The following FAM9B variants were observed in gnomAD, a reference collection of about 807,000 sequenced individuals.
FAM9B encodes the protein family with sequence similarity 9 member B.
FAM9B carries 18 observed loss-of-function variants against 16.6 expected under a neutral mutation model. That is an observed-to-expected ratio of 1.09 (90% confidence interval 0.75 to 1.61). FAM9B has a LOEUF of 1.61. Ranked by LOEUF, FAM9B falls within the 40% of genes most tolerant of loss-of-function variation. The probability of loss-of-function intolerance (pLI) is 0.00; values close to 1 mark genes in which losing one functional copy is unlikely to be tolerated. For synonymous variants in FAM9B, 43 were observed against 42.6 expected (o/e 1.01, Z -0.03); for missense variants, 155 against 136.0 (o/e 1.14, Z -0.70).
intron 5 of FAM9B, among the ~76,000 whole-genome samples, chrX:9,029,735 T>C (rs1482056488): frequency 2.7e-5 from 3 of 111,967 alleles, no homozygotes; most frequent in African/African-American, 9.7e-5. Context: ...GAATAACATA[T>C]GGGTTCTCAT....
At chrX:9,027,608 T>C (rs1184161387) in intron 7 of FAM9B, among the ~76,000 whole-genome samples, 2 of 111,860 alleles carry the variant, frequency 1.8e-5, no homozygotes, top group Non-Finnish European at 3.8e-5. Flanking sequence ...GTGTCAATTT[T>C]ATACATAAGA....
At chrX:9,032,539 G>T in intron 2 of FAM9B, 78 bp from the exon 3 acceptor site, 2 of 417,469 alleles carry the variant, frequency 4.8e-6, no homozygotes, top group Non-Finnish European at 7.3e-6. Context: ...AAATGTACTA[G>T]TTGTAGACTT....
rs376461367 is a variant in FAM9B at position 9,026,097 on chromosome X, G to A, written c.493-514C>T. On this transcript the variant is annotated intron_variant, in intron 7 of 8. Coordinates refer to ENST00000327220, the MANE Select transcript of FAM9B (RefSeq NM_205849.3). ...ACTCCCTAAAATGTTGTAGGTTAAT[G>A]CTGAGGAAGATGTAAAAAATGAATA... Among the ~76,000 whole-genome samples the A allele has an allele frequency of 6.3e-3, 699 of 111,495 alleles. 3 individuals are homozygous for A. Among genetic ancestry groups the A allele is most frequent in the Non-Finnish European group, 0.011 (584 of 53,116 alleles).
rs1362354017 is a variant in FAM9B, at chrX:9,029,396, A to T, written c.304T>A (p.Ser102Thr). 4 of 1,199,395 alleles carry T rather than the reference A, an allele frequency of 3.3e-6. No individual in the cohort carries two copies. Among genetic ancestry groups the T allele is most frequent in the Non-Finnish European group, 3.4e-6 (3 of 884,511 alleles). ...TCAAGGACATTTAGCAACTTCAGAG[A>T]ATGTATATAATCACGTTTCTGCCTG... ...LKRQKRDYIH[S>T]LKLLNVLEEY... Residue 102 changes from serine to threonine, a missense_variant, in exon 6 of 9, where the codon TCT becomes ACT. Transcript: ENST00000327220.
intron 1 of FAM9B, 124 bp downstream of exon 1, chrX:9,033,728 C>G (rs1304587333): frequency 1.3e-6 from 1 of 742,806 alleles, no homozygotes. Context: ...CGCCCTGACC[C>G]AGGCCCCAGG....
rs1837355927 is a variant in FAM9B at position 9,025,687 on chromosome X, G to A, written c.493-104C>T. ...AGGAAACAGCTTTTAATATTCAAAG[G>A]ATGCCAGTTATTCATTTCAAATAGA... On this transcript the variant is annotated intron_variant, in intron 7 of 8. Coordinates refer to ENST00000327220, the MANE Select transcript of FAM9B (RefSeq NM_205849.3). The A allele has an allele frequency of 1.0e-5, 6 of 579,110 alleles. No homozygotes were observed. In the South Asian group the frequency reaches 2.2e-4, roughly 21 times the overall value. 47.7% of individuals were successfully genotyped at this position (579,110 alleles called of 1,213,427 possible).
chrX:9,027,932 T>C lies in FAM9B; in HGVS notation c.428A>G (p.Gln143Arg), dbSNP rs1373573852. ...IFQEQQKKWQ[Q>R]YRSVRRERLK... The stretch of plus-strand genomic sequence containing the variant: ...CCTCTCTCTCCTAACACTTCTATAT[T>C]GTTGCCACTTCTTCTGTTGTTCTTG... The change falls in exon 7 of 9, where the codon CAA becomes CGA. Residue 143 changes from glutamine (Q) to arginine (R), a missense_variant. Gln to Arg is a conservative substitution (Grantham distance 43). Coordinates refer to ENST00000327220, the MANE Select transcript of FAM9B (RefSeq NM_205849.3). 3 of 1,209,737 alleles carry C rather than the reference T, an allele frequency of 2.5e-6. No homozygotes were observed. Among genetic ancestry groups the C allele is most frequent in the Non-Finnish European group, 3.4e-6 (3 of 894,005 alleles).
intron 4 of FAM9B, chrX:9,031,447 A>G (rs1348437536): frequency 3.6e-5 from 4 of 112,180 alleles, no homozygotes; most frequent in Non-Finnish European, 7.5e-5. Flanking sequence ...TATTACTGGA[A>G]TAATAATAGA....
chrX:9,027,384 T>G (rs1384375777), intron 7 of FAM9B, among the ~76,000 whole-genome samples: 5 of 111,802 alleles, frequency 4.5e-5, no homozygotes, highest in African/African-American at 1.6e-4. Context: ...TTTATGGACC[T>G]CTTGCCTTCC....
In FAM9B at chrX:9,032,900, C is replaced by G. The variant is rs188156078; in HGVS notation, c.28+59G>C. 101 of 1,190,928 alleles carry G rather than the reference C, an allele frequency of 8.5e-5. No individual in the cohort carries two copies. The African/African-American group carries it at 1.8e-3, about 21-fold the overall frequency. ...GCCCCTGTGCCCCCAGCGCAGAAAG[C>G]AGACAGACCGTCCTCTTGGGCGTGC... is the stretch of plus-strand genomic sequence containing the variant. On this transcript the variant is annotated intron_variant, in intron 2 of 8. Transcript: ENST00000327220.
At chrX:9,031,969 GA>G (rs747543337) in intron 4 of FAM9B, 160 bp downstream of exon 4, 1 of 438,991 alleles carries the variant, frequency 2.3e-6, no homozygotes, top group African/African-American at 2.5e-5. Flanking sequence ...AAAAAGGTAA[GA>G]AAAATTTATC....
chrX:9,026,392 G>A (rs1920966730), intron 7 of FAM9B, among the ~76,000 whole-genome samples: 1 of 111,275 alleles, frequency 9.0e-6, no homozygotes, highest in Non-Finnish European at 1.9e-5. Flanking sequence ...AAGACAGAAG[G>A]CGGCAAAACA....
In FAM9B at chrX:9,025,597, T is replaced by C; in HGVS notation, c.493-14A>G. 1.7e-6 allele frequency: 2 copies of C among 1,180,634 alleles called. No homozygotes were observed. The highest frequency in any genetic ancestry group is 2.3e-6 in the Non-Finnish European group (2 of 873,486). On this transcript the variant is annotated splice_polypyrimidine_tract_variant and intron_variant, in intron 7 of 8. Transcript: ENST00000327220. ...GTCCTCAAGAGCCTAAAAGAAAAAG[T>C]CTAGTTCACTGACAAACCACCACTT...
At position 9,024,573 on chromosome X, in the gene FAM9B, G is replaced by C; in HGVS notation, c.*836C>G. On this transcript the variant is annotated 3_prime_UTR_variant, in exon 9 of 9. Transcript: ENST00000327220. ...ACAGTAAGGTGCTTTTAATAATTTT[G>C]ATATGGCCATAGAGTATATCTATTT... 1 of 111,546 alleles carries C rather than the reference G, an allele frequency of 9.0e-6. No individual in the cohort carries two copies. The highest frequency in any genetic ancestry group is 1.9e-5 in the Non-Finnish European group (1 of 53,112). 9.2% of individuals were successfully genotyped at this position (111,546 alleles called of 1,213,427 possible).
intron 4 of FAM9B, chrX:9,031,914 G>A (rs1192729814): frequency 1.3e-5 from 5 of 370,657 alleles, no homozygotes; most frequent in East Asian, 8.3e-5. Flanking sequence ...CATCCATCTC[G>A]CTTCACCATT....
chrX:9,025,356 T>TAA lies in FAM9B; in HGVS notation c.*51_*52dup, dbSNP rs1920958767. ...AACAGAGGTTGAAGAGACAACTGGG[T>TAA]AAGTGCCAACTTTTCCAAAAGCTGT... On this transcript the variant is annotated 3_prime_UTR_variant, in exon 9 of 9. Transcript: ENST00000327220. The TAA allele has an allele frequency of 2.4e-6, 1 of 409,902 alleles. No homozygotes were observed. The highest frequency in any genetic ancestry group is 2.5e-5 in the African/African-American group (1 of 39,525). 33.8% of individuals were successfully genotyped at this position (409,902 alleles called of 1,213,427 possible). A position where few individuals can be genotyped will look rare whatever the true frequency, so the allele number is the denominator to read the frequency against.
At chrX:9,032,746 T>A (rs1921122223) in intron 2 of FAM9B, 1 of 557,370 alleles carries the variant, frequency 1.8e-6, no homozygotes, top group South Asian at 3.3e-5. Context: ...AGAGCATCTG[T>A]AACCCTGCTA....
rs763139671 is a variant in FAM9B, at chrX:9,033,025, C to T, written c.-39G>A. 2 of 1,212,007 alleles carry T rather than the reference C, an allele frequency of 1.7e-6. No individual in the cohort carries two copies. The highest frequency in any genetic ancestry group is 5.9e-5 in the East Asian group (2 of 33,826). Reference sequence around the variant, plus strand: ...AACTGGGCCTTGGCAGCCCTCCTGCCCACAGGATCCGTGGCTGGTTGTCCT... The same window carrying T: ...AACTGGGCCTTGGCAGCCCTCCTGCTCACAGGATCCGTGGCTGGTTGTCCT... On this transcript the variant is annotated 5_prime_UTR_variant, in exon 2 of 9. Transcript: ENST00000327220.
At chrX:9,033,809 G>A (rs1284792540) in intron 1 of FAM9B, 43 bp downstream of exon 1, 5 of 747,886 alleles carry the variant, frequency 6.7e-6, no homozygotes, top group Non-Finnish European at 7.8e-6. Flanking sequence ...TTCCCAGAGG[G>A]CCTCGTGCCT....
Sources: allele counts gnomAD v4.1 joint callset (sites outside exome capture counted in the v4.1 genomes callset), GRCh38; gene constraint gnomAD v4.1.1; transcripts MANE v1.5; gene names NCBI Gene and HGNC (gene_info 2026-07-23, HGNC 2026-07-21).